The following NBR1 variants were observed in gnomAD, a reference collection of about 807,000 sequenced individuals.
The protein encoded by NBR1 is NBR1 autophagy cargo receptor.
In NBR1, 59 loss-of-function variants were observed where a neutral mutation model predicts 115.5. The observed-to-expected ratio is 0.51, with a 90% confidence interval of 0.41 to 0.63. The LOEUF is 0.63. Among genes scored for constraint, NBR1 ranks in the 30% least tolerant of loss-of-function variants. The pLI is 0.00. For missense variants in NBR1, 1,043 were observed against 1,150.5 expected (o/e 0.91, Z 1.35); for synonymous variants, 373 against 414.7 (o/e 0.90, Z 1.22).
At chr17:43,198,633 CAG>C (rs1020148815) in intron 16 of NBR1, among the ~76,000 whole-genome samples, 1 of 150,384 alleles carries the variant, frequency 6.6e-6, no homozygotes, top group African/African-American at 2.5e-5. Context: ...GCCTGGGTGA[CAG>C]AGCGAGACTC....
rs2056866462 is a variant in NBR1 at position 43,188,299 on chromosome 17, T to G, written c.403-743T>G. On this transcript the variant is annotated intron_variant, in intron 6 of 20. Coordinates refer to ENST00000590996, the MANE Select transcript of NBR1 (RefSeq NM_005899.5). ...GTCTGTTCATATCCTTTACCCACTT[T>G]TTGATGGGGTTGTTTTTTTCTTGTA... Among the ~76,000 whole-genome samples the G allele has an allele frequency of 7.2e-5, 11 of 152,206 alleles. No homozygotes were observed. In the South Asian group the frequency reaches 2.3e-3, roughly 32 times the overall value.
At position 43,186,159 on chromosome 17, in the gene NBR1, T is replaced by TA. The variant is rs201064436; in HGVS notation, c.208-90dup. The TA allele has an allele frequency of 3.2e-3, 3,566 of 1,122,070 alleles. 131 individuals carry two copies. In the Admixed American group the frequency reaches 0.068, roughly 21 times the overall value. The allele number at this position is 1,122,070 out of a possible 1,614,324, so 69.5% of individuals were successfully genotyped here. A position where few individuals can be genotyped will look rare whatever the true frequency, so the allele number is the denominator to read the frequency against. Reference sequence around the variant, plus strand: ...AATCCTAGTATTTTCTAGCATAACTTACCACACTCTTCTGTTTTGATGTCT... The same window carrying TA: ...AATCCTAGTATTTTCTAGCATAACTTAACCACACTCTTCTGTTTTGATGTCT... On this transcript the variant is annotated intron_variant, in intron 5 of 20. Transcript: ENST00000590996.
chr17:43,207,311 T>C (rs1374123905), intron 20 of NBR1, among the ~76,000 whole-genome samples: 2 of 152,180 alleles, frequency 1.3e-5, no homozygotes, highest in African/African-American at 4.8e-5. Context: ...TTATATAAAA[T>C]AGTGTAGTAT....
rs147234856 is a variant in NBR1, at chr17:43,205,078, G to A, written c.2727+1292G>A. On this transcript the variant is annotated intron_variant, in intron 20 of 20. Transcript: ENST00000590996. ...TACATAGTAAGATACTATGCTGGCC[G>A]GGTGTGGTGGCTCATGCCTGTAATC... Among the ~76,000 whole-genome samples the A allele has an allele frequency of 8.9e-3, 1,358 of 152,204 alleles. 19 individuals are homozygous for A. The highest frequency in any genetic ancestry group is 0.031 in the African/African-American group (1,283 of 41,516).
At position 43,188,590 on chromosome 17, in the gene NBR1, T is replaced by C. The variant is rs1000643586; in HGVS notation, c.403-452T>C. Among the ~76,000 whole-genome samples, 6 of 152,238 alleles carry C rather than the reference T, an allele frequency of 3.9e-5. No individual in the cohort carries two copies. In the South Asian group the frequency reaches 1.2e-3, roughly 31 times the overall value. ...TTTTCTTCTAGGGTTTTTATGGTTT[T>C]AGATCTTATGTTTAAGTCTTTAATC... On this transcript the variant is annotated intron_variant, in intron 6 of 20. Coordinates refer to ENST00000590996, the MANE Select transcript of NBR1 (RefSeq NM_005899.5).
At position 43,200,205 on chromosome 17, in the gene NBR1, AAGG is replaced by A. The variant is rs1290093317; in HGVS notation, c.2071_2073del (p.Glu691del). ...GCCTGAAGGACCACTTGGAAATGAG[AAGG>A]AGGAGATTATCCATATCGCTGAGGA... On this transcript the variant is annotated inframe_deletion, in exon 17 of 21. Transcript: ENST00000590996. 2.6e-6 allele frequency: 4 copies of A among 1,550,552 alleles called. No individual in the cohort carries two copies. The highest frequency in any genetic ancestry group is 2.4e-5 in the East Asian group (1 of 40,884).
chr17:43,188,945 T>C (rs2154582157), intron 6 of NBR1, 97 bp from the exon 7 acceptor site: 1 of 859,006 alleles, frequency 1.2e-6, no homozygotes, highest in African/African-American at 1.7e-5. Flanking sequence ...TATACTTGTA[T>C]GATTTCACAA....
At chr17:43,206,632 G>A (rs1398769109) in intron 20 of NBR1, among the ~76,000 whole-genome samples, 6 of 151,564 alleles carry the variant, frequency 4.0e-5, no homozygotes, top group Non-Finnish European at 8.8e-5. Flanking sequence ...TCCAGCCTGG[G>A]TGACAGAGCG....
In NBR1 at chr17:43,191,303, A is replaced by G. The variant is rs780685398; in HGVS notation, c.864-69A>G. The G allele has an allele frequency of 2.7e-6, 3 of 1,122,792 alleles. No homozygotes were observed. The African/African-American group carries it at 4.7e-5, about 18-fold the overall frequency. 69.6% of individuals were successfully genotyped at this position (1,122,792 alleles called of 1,614,324 possible). On this transcript the variant is annotated intron_variant, in intron 9 of 20. Transcript: ENST00000590996. ...GGAAGCTGACACTGATGGAAATTGC[A>G]ATTGGCTCCACATAGCTTCAGAATT...
At chr17:43,176,000 G>A in intron 2 of NBR1, 99 bp downstream of exon 2, 1 of 672,230 alleles carries the variant, frequency 1.5e-6, no homozygotes, top group Non-Finnish European at 2.5e-6. Flanking sequence ...TGTGAAGTCT[G>A]TCATAGTTAC....
chr17:43,197,374 C>T (rs1342335390), intron 16 of NBR1, among the ~76,000 whole-genome samples: 1 of 152,066 alleles, frequency 6.6e-6, no homozygotes, highest in Non-Finnish European at 1.5e-5. Flanking sequence ...AAAAAATTAG[C>T]CTGGCGACGT....
At chr17:43,206,547 C>T (rs1400359705) in intron 20 of NBR1, among the ~76,000 whole-genome samples, 2 of 151,358 alleles carry the variant, frequency 1.3e-5, no homozygotes, top group African/African-American at 2.4e-5. Flanking sequence ...CCTAGCTACT[C>T]GGGAGTCTGA....
At position 43,209,622 on chromosome 17, in the gene NBR1, T is replaced by C. The variant is rs143451741; in HGVS notation, c.2728-279T>C. On this transcript the variant is annotated intron_variant, in intron 20 of 20. Transcript: ENST00000590996. The stretch of plus-strand genomic sequence containing the variant: ...AATGCTTCTTCCTGAAAGCCCCGAG[T>C]GAAGCATTCTCCTGGTTCTAAGTAC... The C allele has an allele frequency of 2.6e-4, 405 of 1,535,518 alleles. No individual in the cohort carries two copies. The East Asian group carries it at 7.9e-3, about 30-fold the overall frequency.
intron 16 of NBR1, among the ~76,000 whole-genome samples, chr17:43,198,641 G>C (rs2057121104): frequency 6.7e-6 from 1 of 150,220 alleles, no homozygotes; most frequent in African/African-American, 2.5e-5. Flanking sequence ...GACAGAGCGA[G>C]ACTCCGTCTA....
upstream of NBR1, chr17:43,170,676 C>G (rs1006590957): frequency 1.2e-4 from 18 of 152,414 alleles, no homozygotes; most frequent in African/African-American, 4.3e-4. Context: ...CATTGCGGAA[C>G]GAAAGGCCTT....
rs138088779 is a variant in NBR1 at position 43,197,113 on chromosome 17, G to A, written c.2026+7G>A. 965 of 1,613,420 alleles carry A rather than the reference G, an allele frequency of 6.0e-4. 3 individuals carry two copies. Among genetic ancestry groups the A allele is most frequent in the Middle Eastern group, 2.4e-3 (14 of 5,952 alleles). On this transcript the variant is annotated splice_region_variant and intron_variant, in intron 16 of 20. Coordinates refer to ENST00000590996, the MANE Select transcript of NBR1 (RefSeq NM_005899.5). ...AGACAGAAGTCCTTGCAGAGTGAGT[G>A]TCCTTGCATTTCCCCTACCTAGCAG...
chr17:43,209,814 C>T (rs1179493426), intron 20 of NBR1, 87 bp from the exon 21 acceptor site: 1 of 1,459,586 alleles, frequency 6.9e-7, no homozygotes, highest in African/African-American at 1.4e-5. Context: ...GACTAGTATG[C>T]TTGCAAGATG....
At chr17:43,198,607 G>A (rs980320810) in intron 16 of NBR1, among the ~76,000 whole-genome samples, 7 of 148,858 alleles carry the variant, frequency 4.7e-5, no homozygotes, top group African/African-American at 1.7e-4. Flanking sequence ...AGCTGAGATC[G>A]CACCACTGCA....
intron 6 of NBR1, among the ~76,000 whole-genome samples, chr17:43,187,343 G>C (rs1230493439): frequency 2.0e-5 from 3 of 151,922 alleles, no homozygotes; most frequent in African/African-American, 7.3e-5. Context: ...ACTACGCCCA[G>C]CTAATTTTTT....
Sources: gnomAD v4.1 joint callset for allele counts (sites outside exome capture counted in the v4.1 genomes callset) on GRCh38, gnomAD v4.1.1 for gene constraint, MANE v1.5 for transcripts, NCBI Gene and HGNC (gene_info 2026-07-23, HGNC 2026-07-21) for gene names.